Variants in FRMD3 observed in about 807,000 individuals in gnomAD.
The protein encoded by FRMD3 is FERM domain containing 3.
FRMD3 carries 33 observed loss-of-function variants against 70.2 expected under a neutral mutation model. The observed-to-expected ratio is 0.47, with a 90% CI of 0.36 to 0.63. FRMD3 has a LOEUF of 0.63. Among genes scored for constraint, FRMD3 ranks in the 20% least tolerant of loss-of-function variants. FRMD3 has a pLI of 0.00. For synonymous variants in FRMD3, 279 were observed against 255.9 expected (o/e 1.09, Z -0.86); for missense variants, 632 against 711.4 (o/e 0.89, Z 1.27).
intron 1 of FRMD3, among the ~76,000 whole-genome samples, chr9:83,473,873 C>A (rs1828330608): frequency 6.6e-6 from 1 of 152,294 alleles, no homozygotes; most frequent in South Asian, 2.1e-4. Context: ...TAAATTGGGG[C>A]AGATGTAACT....
chr9:83,410,230 G>T (rs1038340302), intron 1 of FRMD3, among the ~76,000 whole-genome samples: 2 of 152,156 alleles, frequency 1.3e-5, no homozygotes, highest in African/African-American at 4.8e-5. Context: ...GAGGTTTGGG[G>T]TATGACTGAT....
intron 5 of FRMD3, among the ~76,000 whole-genome samples, chr9:83,339,412 A>G (rs1026780613): frequency 2.0e-5 from 3 of 152,172 alleles, no homozygotes; most frequent in African/African-American, 7.2e-5. Flanking sequence ...CAAATGACAT[A>G]CAACTGGAGG....
At chr9:83,293,746 A>C (rs566180185) in intron 12 of FRMD3, among the ~76,000 whole-genome samples, 2 of 152,316 alleles carry the variant, frequency 1.3e-5, no homozygotes, top group South Asian at 4.1e-4. Context: ...GGTGTAGCAG[A>C]GGCCCATGGC....
chr9:83,280,822 C>T (rs1289336351), intron 13 of FRMD3, among the ~76,000 whole-genome samples: 1 of 152,090 alleles, frequency 6.6e-6, no homozygotes, highest in African/African-American at 2.4e-5. Flanking sequence ...TAATTTCTTC[C>T]TCCACCCCAG....
chr9:83,365,368 G>C (rs922393265), intron 3 of FRMD3, among the ~76,000 whole-genome samples: 5 of 152,186 alleles, frequency 3.3e-5, no homozygotes, highest in African/African-American at 1.2e-4. Flanking sequence ...GATCTTGCAT[G>C]AATCTGTTAA....
At chr9:83,292,057 A>G (rs1228068515) in intron 12 of FRMD3, among the ~76,000 whole-genome samples, 2 of 152,164 alleles carry the variant, frequency 1.3e-5, no homozygotes, top group Non-Finnish European at 2.9e-5. Flanking sequence ...TACAAATTGG[A>G]CATTCTGCTT....
chr9:83,254,165 A>G (rs919583155), intron 13 of FRMD3, among the ~76,000 whole-genome samples: 3 of 152,080 alleles, frequency 2.0e-5, no homozygotes, highest in African/African-American at 7.2e-5. Flanking sequence ...ACCTAATGTA[A>G]ATGACAAGTT....
chr9:83,529,704 A>C (rs1226561326), intron 1 of FRMD3, among the ~76,000 whole-genome samples: 1 of 152,238 alleles, frequency 6.6e-6, no homozygotes, highest in Non-Finnish European at 1.5e-5. Context: ...AAAGTAAAAG[A>C]TATCCCACAG....
the FRMD3 span, among the ~76,000 whole-genome samples, chr9:83,567,118 A>G: frequency 6.6e-6 from 1 of 152,250 alleles, no homozygotes; most frequent in Non-Finnish European, 1.5e-5. Flanking sequence ...AAATCTAGGC[A>G]GAGGTTCCCA....
intron 1 of FRMD3, among the ~76,000 whole-genome samples, chr9:83,440,823 T>C (rs1827272641): frequency 1.3e-5 from 2 of 152,170 alleles, no homozygotes; most frequent in Admixed American, 1.3e-4. Context: ...TTACAGATGG[T>C]ATATGTGAGG....
intron 1 of FRMD3, among the ~76,000 whole-genome samples, chr9:83,430,079 T>C (rs528833914): frequency 1.1e-4 from 17 of 152,222 alleles, no homozygotes; most frequent in Non-Finnish European, 1.9e-4. Flanking sequence ...TTATTCTATA[T>C]TATACATAAT....
At chr9:83,265,769 C>A (rs920267522) in intron 13 of FRMD3, among the ~76,000 whole-genome samples, 1 of 152,172 alleles carries the variant, frequency 6.6e-6, no homozygotes, top group African/African-American at 2.4e-5. Context: ...GGGGAATAGT[C>A]AAGCTCATAC....
intron 1 of FRMD3, among the ~76,000 whole-genome samples, chr9:83,434,084 A>G (rs1827060347): frequency 6.6e-6 from 1 of 152,252 alleles, no homozygotes; most frequent in Non-Finnish European, 1.5e-5. Context: ...GCAGGGAGGC[A>G]CAGTGTTTCT....
chr9:83,583,611 T>G, the FRMD3 span, among the ~76,000 whole-genome samples: 1 of 152,130 alleles, frequency 6.6e-6, no homozygotes, highest in African/African-American at 2.4e-5. Context: ...AATCCCTTGT[T>G]GAAAAAAAAA....
At chr9:83,558,261 C>CGTGT in the FRMD3 span, among the ~76,000 whole-genome samples, 33,251 of 151,248 alleles carry the variant, frequency 0.22, 4,118 homozygotes, top group Admixed American at 0.32. Flanking sequence ...AACGCATGCA[C>CGTGT]GTGTGTGTGT....
intron 1 of FRMD3, among the ~76,000 whole-genome samples, chr9:83,447,541 A>AG (rs1459999611): frequency 2.6e-5 from 4 of 151,774 alleles, no homozygotes; most frequent in Non-Finnish European, 5.9e-5. Context: ...GTGATGGCTC[A>AG]GGTGAGTTCT....
chr9:83,507,736 A>ATATG (rs1554713917), intron 1 of FRMD3, among the ~76,000 whole-genome samples: 1 of 88,696 alleles, frequency 1.1e-5, no homozygotes, highest in African/African-American at 3.8e-5. Context: ...ATATATATAT[A>ATATG]TATCTTCTGG....
intron 13 of FRMD3, among the ~76,000 whole-genome samples, chr9:83,288,484 C>T (rs1450001487): frequency 6.6e-6 from 1 of 152,194 alleles, no homozygotes; most frequent in Non-Finnish European, 1.5e-5. Flanking sequence ...GTTGTCATGA[C>T]TTGTCTGAAC....
intron 1 of FRMD3, among the ~76,000 whole-genome samples, chr9:83,406,691 G>A (rs1275194662): frequency 2.0e-5 from 3 of 152,166 alleles, no homozygotes; most frequent in Non-Finnish European, 2.9e-5. Context: ...CTTGCCATTG[G>A]GCAATTGACA....
Sources: gnomAD v4.1 joint callset for allele counts (sites outside exome capture counted in the v4.1 genomes callset) on GRCh38, gnomAD v4.1.1 for gene constraint, MANE v1.5 for transcripts, NCBI Gene and HGNC (gene_info 2026-07-23, HGNC 2026-07-21) for gene names.